STAT3: variants seen among roughly 807,000 people sequenced by gnomAD.
STAT3 encodes DNA-binding protein APRF.
A neutral mutation model predicts 114.3 loss-of-function variants in STAT3; 7 were observed. The observed-to-expected ratio is 0.06, with a 90% CI of 0.03 to 0.11. The LOEUF is 0.11. Among genes scored for constraint, STAT3 ranks in the 10% least tolerant of loss-of-function variants. STAT3 has a pLI of 1.00. For missense variants in STAT3, 364 were observed against 960.9 expected (o/e 0.38, Z 8.21); for synonymous variants, 331 against 354.5 (o/e 0.93, Z 0.74).
chr17:42,338,703 G>A, intron 6 of STAT3, 28 bp downstream of exon 6: 1 of 1,586,642 alleles, frequency 6.3e-7, no homozygotes. Flanking sequence ...ACTTTCTAGA[G>A]ATTTTAACAT....
chr17:42,380,082 T>G (rs2084690519), intron 1 of STAT3, among the ~76,000 whole-genome samples: 1 of 152,204 alleles, frequency 6.6e-6, no homozygotes, highest in Non-Finnish European at 1.5e-5. Flanking sequence ...TCTCCCAGGC[T>G]GGAGTGCAGC....
rs2081919052 is a variant in STAT3, at chr17:42,329,869, C to A, written c.1110-93G>T. On this transcript the variant is annotated intron_variant, in intron 11 of 23. Coordinates refer to ENST00000264657, the MANE Select transcript of STAT3 (RefSeq NM_139276.3). ...CCTGTTATTTACTGTCATGAAAAAA[C>A]CTCTGTGCTCCTGGGCATTTCTTTA... The A allele has an allele frequency of 3.0e-6, 4 of 1,354,316 alleles. No homozygotes were observed. The African/African-American group carries it at 5.8e-5, about 20-fold the overall frequency. 83.9% of individuals were successfully genotyped at this position (1,354,316 alleles called of 1,614,324 possible).
At chr17:42,359,380 T>A (rs143827907) in intron 1 of STAT3, among the ~76,000 whole-genome samples, 114 of 152,254 alleles carry the variant, frequency 7.5e-4, no homozygotes, top group Admixed American at 2.5e-3. Flanking sequence ...ACTCTTATCA[T>A]ATCGGGAGGG....
At chr17:42,380,595 G>A (rs535582018) in intron 1 of STAT3, among the ~76,000 whole-genome samples, 19 of 151,872 alleles carry the variant, frequency 1.3e-4, no homozygotes, top group Non-Finnish European at 1.8e-4. Flanking sequence ...CACTCTGTTG[G>A]GCAGGCTGGT....
intron 21 of STAT3, among the ~76,000 whole-genome samples, chr17:42,320,394 G>A (rs923224864): frequency 6.6e-6 from 1 of 152,134 alleles, no homozygotes; most frequent in Admixed American, 6.5e-5. Context: ...TTTTTCAACA[G>A]CAACTAGGGC....
At chr17:42,342,628 GAATT>G (rs2082493654) in intron 4 of STAT3, among the ~76,000 whole-genome samples, 1 of 152,132 alleles carries the variant, frequency 6.6e-6, no homozygotes, top group Admixed American at 6.6e-5. Context: ...TTACATGTAT[GAATT>G]AATTCTATGA....
At chr17:42,366,751 G>A (rs1282115151) in intron 1 of STAT3, among the ~76,000 whole-genome samples, 1 of 150,092 alleles carries the variant, frequency 6.7e-6, no homozygotes, top group Non-Finnish European at 1.5e-5. Flanking sequence ...CAGGCCACCA[G>A]CATCTCTTAC....
At chr17:42,377,935 T>TG (rs1352658817) in intron 1 of STAT3, among the ~76,000 whole-genome samples, 4 of 151,422 alleles carry the variant, frequency 2.6e-5, no homozygotes, top group African/African-American at 9.7e-5. Flanking sequence ...GTGGAATCTA[T>TG]GGGGCACTGC....
At chr17:42,325,114 T>C (rs2081649471) in intron 15 of STAT3, 53 bp from the exon 16 acceptor site, 27 of 1,539,986 alleles carry the variant, frequency 1.8e-5, no homozygotes, top group African/African-American at 2.7e-5. Context: ...CTCACAGCCT[T>C]GGAAATCTCT....
intron 1 of STAT3, among the ~76,000 whole-genome samples, chr17:42,372,626 A>G (rs1567753880): frequency 6.6e-6 from 1 of 152,230 alleles, no homozygotes; most frequent in Non-Finnish European, 1.5e-5. Context: ...ACTGGCAAAT[A>G]TACATCATCA....
At chr17:42,356,262 TA>T (rs1297322303) in intron 1 of STAT3, among the ~76,000 whole-genome samples, 3 of 152,010 alleles carry the variant, frequency 2.0e-5, no homozygotes, top group African/African-American at 7.2e-5. Context: ...AAATAAAAGA[TA>T]AAAACATCCA....
At chr17:42,352,979 A>G (rs1317928557) in intron 1 of STAT3, among the ~76,000 whole-genome samples, 1 of 152,220 alleles carries the variant, frequency 6.6e-6, no homozygotes, top group Non-Finnish European at 1.5e-5. Flanking sequence ...TTTTAGATAT[A>G]TTGGGTTAAA....
intron 1 of STAT3, among the ~76,000 whole-genome samples, chr17:42,379,680 G>C (rs1334088227): frequency 1.3e-5 from 2 of 152,106 alleles, no homozygotes; most frequent in Non-Finnish European, 2.9e-5. Context: ...GCACTTTCTG[G>C]GTCGGGAGCA....
chr17:42,331,569 T>A (rs1443044784), intron 10 of STAT3, 38 bp from the exon 11 acceptor site: 3 of 1,516,414 alleles, frequency 2.0e-6, no homozygotes, highest in Non-Finnish European at 2.7e-6. Context: ...AAAAAGTCAG[T>A]AACTCTCCCA....
At chr17:42,386,998 T>C (rs2085141906) in intron 1 of STAT3, 1 of 152,152 alleles carries the variant, frequency 6.6e-6, no homozygotes, top group Admixed American at 6.6e-5. Context: ...AACCAAGTCA[T>C]AACACAGTCT....
Position 42,316,886 on chromosome 17 carries a change from A to T in STAT3, c.2160T>A (p.Asn720Lys), listed in dbSNP as rs761802498. 6.2e-7 allele frequency: 1 copy of T among 1,612,100 alleles called. No individual in the cohort carries two copies. The highest frequency in any genetic ancestry group is 1.7e-5 in the Admixed American group (1 of 59,732). ...FICVTPTTCS[N>K]TIDLPMSPRT... is the part of the protein sequence containing the mutation. The stretch of plus-strand genomic sequence containing the variant: ...GGGGGGACATCGGCAGGTCAATGGT[A>T]TTGCTGCAGGTCGTTCTGTAGGAAA... The change falls in exon 23 of 24, where the codon AAT becomes AAA. Residue 720 changes from asparagine (N) to lysine (K), a missense_variant. Coordinates refer to ENST00000264657, the MANE Select transcript of STAT3 (RefSeq NM_139276.3).
intron 1 of STAT3, among the ~76,000 whole-genome samples, chr17:42,362,076 G>T (rs1476272274): frequency 6.6e-6 from 1 of 152,176 alleles, no homozygotes; most frequent in Non-Finnish European, 1.5e-5. Context: ...TATTCAGATG[G>T]CGGTCACATG....
Position 42,329,428 on chromosome 17 carries a change from C to T in STAT3, c.1263G>A (p.Gly421=), listed in dbSNP as rs141151719. ...AACTTACATCACAATTGGCTCGGCC[C>T]CCATTCCCACATCTCTGCTCCCTCA... ...LTLREQRCGN[G]GRANCDASLI... The change falls in exon 14 of 24, where the codon GGG becomes GGA. Residue 421 remains glycine, a synonymous_variant. Coordinates refer to ENST00000264657, the MANE Select transcript of STAT3 (RefSeq NM_139276.3). 1.4e-5 allele frequency: 22 copies of T among 1,614,032 alleles called. No individual in the cohort carries two copies. In the African/African-American group the frequency reaches 2.8e-4, roughly 21 times the overall value.
At chr17:42,364,513 A>G (rs988651479) in intron 1 of STAT3, among the ~76,000 whole-genome samples, 1 of 152,224 alleles carries the variant, frequency 6.6e-6, no homozygotes, top group Non-Finnish European at 1.5e-5. Context: ...CCACTGATCT[A>G]AAATGCTATG....
Sources: gnomAD v4.1 joint callset for allele counts (sites outside exome capture counted in the v4.1 genomes callset) on GRCh38, gnomAD v4.1.1 for gene constraint, MANE v1.5 for transcripts, NCBI Gene and HGNC (gene_info 2026-07-23, HGNC 2026-07-21) for gene names.